RYR2: variants seen among roughly 807,000 people sequenced by gnomAD.
RYR2 encodes the protein cardiac muscle ryanodine receptor-calcium release channel.
Under a neutral mutation model 601.1 loss-of-function variants are expected in RYR2, and 227 were observed. That is an observed-to-expected ratio of 0.38 (90% CI 0.34 to 0.42). The LOEUF is 0.42. Among genes scored for constraint, RYR2 ranks in the 10% least tolerant of loss-of-function variants. The pLI is 1.00. For synonymous variants in RYR2, 2,223 were observed against 2,175.1 expected (o/e 1.02, Z -0.61); for missense variants, 4,646 against 6,156.5 (o/e 0.75, Z 8.21).
At chr1:237,200,453 C>T (rs181606440) in intron 1 of RYR2, among the ~76,000 whole-genome samples, 159 of 152,194 alleles carry the variant, frequency 1.0e-3, no homozygotes, top group Admixed American at 2.7e-3. Context: ...TTAGTAGAGA[C>T]GGTGTTGCAC....
intron 58 of RYR2, among the ~76,000 whole-genome samples, chr1:237,670,649 G>T (rs546280587): frequency 6.6e-6 from 1 of 152,234 alleles, no homozygotes; most frequent in East Asian, 1.9e-4. Context: ...TTAAGTCACT[G>T]TGGTACAGTT....
intron 63 of RYR2, among the ~76,000 whole-genome samples, chr1:237,694,976 G>A (rs1301191191): frequency 2.0e-5 from 3 of 152,116 alleles, no homozygotes; most frequent in Admixed American, 6.5e-5. Flanking sequence ...TATTAGAAAA[G>A]TAGAGAAAAA....
At chr1:237,348,070 A>G (rs1698449072) in intron 3 of RYR2, among the ~76,000 whole-genome samples, 1 of 152,176 alleles carries the variant, frequency 6.6e-6, no homozygotes, top group Admixed American at 6.5e-5. Flanking sequence ...GAATTTGAGG[A>G]TACAAGATCT....
intron 28 of RYR2, among the ~76,000 whole-genome samples, chr1:237,567,662 T>G (rs1672231556): frequency 6.6e-6 from 1 of 152,096 alleles, no homozygotes; most frequent in African/African-American, 2.4e-5. Flanking sequence ...TAATAGTCAC[T>G]TTTGATTGGT....
chr1:237,356,219 G>A (rs1052191151), intron 4 of RYR2, among the ~76,000 whole-genome samples: 10 of 151,806 alleles, frequency 6.6e-5, no homozygotes, highest in Non-Finnish European at 1.5e-4. Flanking sequence ...GAACCACATA[G>A]TTTTTATATA....
intron 101 of RYR2, among the ~76,000 whole-genome samples, chr1:237,825,650 G>GC (rs1428725881): frequency 6.6e-6 from 1 of 152,128 alleles, no homozygotes; most frequent in African/African-American, 2.4e-5. Flanking sequence ...GGCAACAAAA[G>GC]CCAAAACTGA....
At chr1:237,504,699 G>T (rs1237419709) in intron 22 of RYR2, among the ~76,000 whole-genome samples, 1 of 152,150 alleles carries the variant, frequency 6.6e-6, no homozygotes, top group Non-Finnish European at 1.5e-5. Context: ...TAATATCTGG[G>T]GTAATGTACT....
chr1:237,416,431 A>C (rs1411194522), intron 10 of RYR2, among the ~76,000 whole-genome samples: 1 of 152,190 alleles, frequency 6.6e-6, no homozygotes, highest in Non-Finnish European at 1.5e-5. Flanking sequence ...TGGCATATTA[A>C]CACATTATTT....
intron 77 of RYR2, 83 bp downstream of exon 77, chr1:237,730,439 T>A (rs1358022886): frequency 1.4e-5 from 10 of 707,754 alleles, no homozygotes; most frequent in Admixed American, 1.2e-4. Flanking sequence ...TTATATAACA[T>A]TGAAGGAAAA....
chr1:237,659,311 T>C (rs757401058), intron 54 of RYR2, among the ~76,000 whole-genome samples: 1 of 152,174 alleles, frequency 6.6e-6, no homozygotes, highest in Non-Finnish European at 1.5e-5. Context: ...CTCTGCTAAA[T>C]ACTGAGTGGG....
In RYR2 at chr1:237,723,118, T is replaced by C. The variant is rs540655909; in HGVS notation, c.10555-10T>C. On this transcript the variant is annotated splice_polypyrimidine_tract_variant and intron_variant, in intron 73 of 104. Transcript: ENST00000366574. ...ATCTTCCCATTGTAACCTTTTCCTT[T>C]TTTCTGCAGTTGGAGGATCCTGCTA... 8 of 1,599,572 alleles carry C rather than the reference T, an allele frequency of 5.0e-6. No homozygotes were observed. The Admixed American group carries it at 1.2e-4, about 25-fold the overall frequency.
intron 13 of RYR2, among the ~76,000 whole-genome samples, chr1:237,444,324 T>A (rs1177835765): frequency 6.6e-6 from 1 of 152,182 alleles, no homozygotes; most frequent in African/African-American, 2.4e-5. Context: ...GTTCTTTCAT[T>A]TTAGTCATTC....
At chr1:237,449,889 T>C (rs150094239) in intron 14 of RYR2, among the ~76,000 whole-genome samples, 4 of 152,324 alleles carry the variant, frequency 2.6e-5, no homozygotes, top group African/African-American at 9.6e-5. Context: ...TATTTTTATA[T>C]TCCTGTAAAT....
intron 100 of RYR2, among the ~76,000 whole-genome samples, chr1:237,817,451 C>T (rs746506204): frequency 7.2e-5 from 11 of 152,108 alleles, no homozygotes; most frequent in Admixed American, 2.0e-4. Flanking sequence ...ATGTGCTGGA[C>T]GTTATTTTAG....
chr1:237,521,521 A>G (rs1193450775), intron 24 of RYR2, among the ~76,000 whole-genome samples: 5 of 151,420 alleles, frequency 3.3e-5, no homozygotes. Context: ...GGAGTTCAAG[A>G]GCAGCCTGGC....
chr1:237,321,947 A>G (rs867774489), intron 2 of RYR2, among the ~76,000 whole-genome samples: 1 of 152,188 alleles, frequency 6.6e-6, no homozygotes, highest in Non-Finnish European at 1.5e-5. Flanking sequence ...CCTATAAGGA[A>G]GTGGACTATA....
rs114555331 is a variant in RYR2, at chr1:237,231,029, A to G, written c.49-39468A>G. Among the ~76,000 whole-genome samples the G allele has an allele frequency of 5.9e-3, 896 of 152,230 alleles. 7 individuals are homozygous for G. Among genetic ancestry groups the G allele is most frequent in the African/African-American group, 0.021 (857 of 41,546 alleles). ...GTTAAATCTTTGATAATCTTAAGAA[A>G]AGCATGATTTTAGCATGGAGTGAGG... On this transcript the variant is annotated intron_variant, in intron 1 of 104. Transcript: ENST00000366574.
At chr1:237,601,991 A>G in intron 34 of RYR2, 34 bp from the exon 35 acceptor site, 1 of 1,568,114 alleles carries the variant, frequency 6.4e-7, no homozygotes, top group Non-Finnish European at 8.7e-7. Context: ...TTGTTTCATT[A>G]CTAACATTAT....
Position 237,441,434 on chromosome 1 carries a change from A to C in RYR2, c.1121A>C (p.Tyr374Ser). The C allele has an allele frequency of 1.9e-6, 3 of 1,608,374 alleles. No individual in the cohort carries two copies. Among genetic ancestry groups the C allele is most frequent in the Non-Finnish European group, 2.6e-6 (3 of 1,176,466 alleles). ...QHVDTGLWLT[Y>S]QSVDVKSVRM... ...GTAGACACAGGCCTATGGCTTACTT[A>C]CCAGTCTGTGGACGTGAAATCCGTG... Residue 374 changes from tyrosine to serine, a missense_variant, in exon 13 of 105, where the codon TAC (tyrosine) becomes TCC (serine). Tyr to Ser is a moderately radical substitution (Grantham distance 144, BLOSUM62 -2). Around this residue, in one of 17 missense-constraint regions of RYR2, gnomAD observed 1,807 missense variants for 2,088.1 expected, o/e 0.87. Coordinates refer to ENST00000366574, the MANE Select transcript of RYR2 (RefSeq NM_001035.3).
Sources: allele counts gnomAD v4.1 joint callset (sites outside exome capture counted in the v4.1 genomes callset), GRCh38; gene constraint gnomAD v4.1.1; regional missense constraint gnomAD v4.1.1; transcripts MANE v1.5; gene names NCBI Gene and HGNC (gene_info 2026-07-23, HGNC 2026-07-21).